Variants in FHIT observed in about 807,000 individuals in gnomAD.
The protein encoded by FHIT is fragile histidine triad diadenosine triphosphatase.
FHIT carries 19 observed loss-of-function variants against 17.9 expected under a neutral mutation model. The ratio of observed to expected loss-of-function variants is 1.06; its 90% CI spans 0.74 to 1.56. The LOEUF is 1.56. Ranked by LOEUF, FHIT falls within the 40% of genes most tolerant of loss-of-function variation. FHIT has a pLI of 0.00. For synonymous variants in FHIT, 81 were observed against 69.7 expected (o/e 1.16, Z -0.81); for missense variants, 248 against 189.2 (o/e 1.31, Z -1.82).
chr3:60,646,958 T>C (rs1460104080), intron 4 of FHIT, among the ~76,000 whole-genome samples: 1 of 152,224 alleles, frequency 6.6e-6, no homozygotes. Flanking sequence ...AGTGCTCTAG[T>C]TTATTTTTAA....
intron 3 of FHIT, among the ~76,000 whole-genome samples, chr3:61,012,140 G>T (rs914592778): frequency 7.9e-5 from 12 of 152,168 alleles, no homozygotes; most frequent in Non-Finnish European, 1.5e-4. Context: ...AATCATATTT[G>T]CAGAGGTATA....
At chr3:60,485,195 A>C (rs2033783957) in intron 5 of FHIT, among the ~76,000 whole-genome samples, 1 of 152,174 alleles carries the variant, frequency 6.6e-6, no homozygotes, top group Non-Finnish European at 1.5e-5. Flanking sequence ...ATGCTTTTAC[A>C]CTGTTGGTGG....
intron 4 of FHIT, among the ~76,000 whole-genome samples, chr3:60,805,759 C>T (rs1286208096): frequency 3.9e-5 from 6 of 152,016 alleles, no homozygotes; most frequent in Admixed American, 3.3e-4. Context: ...TGGGGTTTCA[C>T]CGTGTTAGCC....
chr3:61,240,606 C>G lies in FHIT; in HGVS notation c.-213+10695G>C, dbSNP rs537592396. ...TTATGGGCAAATAGATATATTTCAG[C>G]CCATACAATTGAGTCTCTCTAAACT... On this transcript the variant is annotated intron_variant, in intron 1 of 9. Transcript: ENST00000492590. Among the ~76,000 whole-genome samples, 20 of 152,268 alleles carry G rather than the reference C, an allele frequency of 1.3e-4. No homozygotes were observed. In the East Asian group the frequency reaches 2.9e-3, roughly 22 times the overall value.
chr3:60,364,234 T>C (rs1407122989), intron 5 of FHIT, among the ~76,000 whole-genome samples: 1 of 152,242 alleles, frequency 6.6e-6, no homozygotes, highest in Non-Finnish European at 1.5e-5. Flanking sequence ...TCTACACCTC[T>C]GTGTGTGTGT....
At chr3:61,162,363 G>A (rs1433777766) in intron 2 of FHIT, among the ~76,000 whole-genome samples, 1 of 152,066 alleles carries the variant, frequency 6.6e-6, no homozygotes, top group African/African-American at 2.4e-5. Flanking sequence ...ACCAGGAGAA[G>A]GAAAAAGGTA....
At chr3:60,561,233 G>A (rs1191140376) in intron 4 of FHIT, among the ~76,000 whole-genome samples, 1 of 151,984 alleles carries the variant, frequency 6.6e-6, no homozygotes, top group East Asian at 1.9e-4. Flanking sequence ...GCTAAGGTAG[G>A]ACTGAAATGT....
chr3:60,657,507 G>T (rs754526752), intron 4 of FHIT, among the ~76,000 whole-genome samples: 7 of 152,076 alleles, frequency 4.6e-5, no homozygotes, highest in Non-Finnish European at 1.0e-4. Context: ...ATGACTAAAG[G>T]AATCATCTAG....
At chr3:61,043,391 G>C (rs1240265875) in intron 2 of FHIT, among the ~76,000 whole-genome samples, 1 of 152,170 alleles carries the variant, frequency 6.6e-6, no homozygotes, top group African/African-American at 2.4e-5. Flanking sequence ...ACAGCAGTCT[G>C]AGATCGAACT....
At chr3:59,938,790 A>T (rs572438571) in intron 7 of FHIT, among the ~76,000 whole-genome samples, 1 of 152,302 alleles carries the variant, frequency 6.6e-6, no homozygotes, top group Admixed American at 6.5e-5. Flanking sequence ...ATATACTAGA[A>T]AAACCACCCC....
chr3:60,040,959 C>A (rs568052460), intron 5 of FHIT, among the ~76,000 whole-genome samples: 2 of 152,182 alleles, frequency 1.3e-5, no homozygotes, highest in East Asian at 3.9e-4. Flanking sequence ...CAATAGCAAA[C>A]CTGTTGCTCC....
chr3:61,034,675 T>C (rs1447982615), intron 3 of FHIT, among the ~76,000 whole-genome samples: 1 of 152,176 alleles, frequency 6.6e-6, no homozygotes, highest in Non-Finnish European at 1.5e-5. Context: ...TCTCCAACAA[T>C]GCTGGTGGGA....
chr3:60,341,652 A>T (rs1710521975), intron 5 of FHIT, among the ~76,000 whole-genome samples: 1 of 152,076 alleles, frequency 6.6e-6, no homozygotes, highest in Non-Finnish European at 1.5e-5. Context: ...CTCTGAGAAG[A>T]TGCCTCTATG....
intron 5 of FHIT, among the ~76,000 whole-genome samples, chr3:60,197,694 G>A (rs1266205194): frequency 1.3e-5 from 2 of 152,126 alleles, no homozygotes; most frequent in East Asian, 1.9e-4. Context: ...GTGGTAGAGG[G>A]GGTCAAATGA....
At chr3:61,214,764 T>C (rs1403937717) in intron 1 of FHIT, among the ~76,000 whole-genome samples, 1 of 152,188 alleles carries the variant, frequency 6.6e-6, no homozygotes, top group African/African-American at 2.4e-5. Flanking sequence ...CTCAATAAAA[T>C]ACTGGCAAAC....
intron 8 of FHIT, among the ~76,000 whole-genome samples, chr3:59,833,351 A>G (rs781563388): frequency 6.6e-6 from 1 of 152,212 alleles, no homozygotes; most frequent in East Asian, 1.9e-4. Flanking sequence ...AGACAGCCAC[A>G]TGAAGTTTGA....
At chr3:60,237,282 G>T (rs74739221) in intron 5 of FHIT, among the ~76,000 whole-genome samples, 23,488 of 76,942 alleles carry the variant, frequency 0.31, 1,503 homozygotes, top group East Asian at 0.38. Flanking sequence ...TTTTTTTTTT[G>T]GTTAATCTGA....
intron 4 of FHIT, among the ~76,000 whole-genome samples, chr3:60,776,263 C>T (rs1255318786): frequency 6.6e-6 from 1 of 152,148 alleles, no homozygotes; most frequent in Non-Finnish European, 1.5e-5. Context: ...AAGGGCCCCA[C>T]CCAGCAACTG....
At chr3:60,062,201 C>T (rs1702321260) in intron 5 of FHIT, among the ~76,000 whole-genome samples, 1 of 152,060 alleles carries the variant, frequency 6.6e-6, no homozygotes, top group Non-Finnish European at 1.5e-5. Flanking sequence ...TGCTCAACAA[C>T]CAAGTACAAA....
Sources: gnomAD v4.1 joint callset for allele counts (sites outside exome capture counted in the v4.1 genomes callset) on GRCh38, gnomAD v4.1.1 for gene constraint, MANE v1.5 for transcripts, NCBI Gene and HGNC (gene_info 2026-07-23, HGNC 2026-07-21) for gene names.